SMYD3: variants seen among roughly 807,000 people sequenced by gnomAD.
SMYD3 encodes SET and MYND domain containing 3.
A neutral mutation model predicts 57.7 loss-of-function variants in SMYD3; 36 were observed. That is an observed-to-expected ratio of 0.62 (90% CI 0.48 to 0.82). The LOEUF (loss-of-function observed/expected upper bound fraction) is 0.82. SMYD3 is among the 40% of genes least tolerant of loss of function. The probability of loss-of-function intolerance (pLI) is 0.00; values close to 1 mark genes in which losing one functional copy is unlikely to be tolerated. For missense variants in SMYD3, 515 were observed against 538.8 expected (o/e 0.96, Z 0.44); for synonymous variants, 211 against 195.0 (o/e 1.08, Z -0.68).
At chr1:246,493,818 ACCC>A (rs1386438035) in intron 1 of SMYD3, among the ~76,000 whole-genome samples, 1 of 123,548 alleles carries the variant, frequency 8.1e-6, no homozygotes, top group African/African-American at 2.6e-5. Context: ...CCCAGCACTC[ACCC>A]TTCACCACAG....
intron 10 of SMYD3, among the ~76,000 whole-genome samples, chr1:245,824,631 G>A (rs1051372892): frequency 4.6e-5 from 7 of 152,114 alleles, no homozygotes; most frequent in African/African-American, 1.2e-4. Flanking sequence ...CAAGGCAGGC[G>A]GATCACCTGA....
At chr1:245,775,191 C>A (rs560844419) in intron 10 of SMYD3, among the ~76,000 whole-genome samples, 1 of 152,286 alleles carries the variant, frequency 6.6e-6, no homozygotes, top group African/African-American at 2.4e-5. Context: ...CACCCCCACC[C>A]GGCCAGCCGC....
intron 10 of SMYD3, among the ~76,000 whole-genome samples, chr1:245,806,989 T>C (rs1315106568): frequency 1.3e-4 from 16 of 122,682 alleles, no homozygotes; most frequent in Middle Eastern, 6.7e-3. Flanking sequence ...CAGTTAGAAA[T>C]GAACAGAGAA....
intron 5 of SMYD3, among the ~76,000 whole-genome samples, chr1:246,017,456 T>C (rs984941107): frequency 2.0e-5 from 3 of 152,074 alleles, no homozygotes; most frequent in African/African-American, 7.2e-5. Context: ...TTGACTTTCA[T>C]GAGCTTGACA....
chr1:246,198,629 T>C (rs2062862044), intron 5 of SMYD3, among the ~76,000 whole-genome samples: 1 of 152,204 alleles, frequency 6.6e-6, no homozygotes. Context: ...AAGAGAGTCA[T>C]TAAAGGCTTG....
chr1:246,266,750 T>C (rs1033628912), intron 5 of SMYD3, among the ~76,000 whole-genome samples: 4 of 151,340 alleles, frequency 2.6e-5, no homozygotes, highest in East Asian at 1.9e-4. Context: ...TGAGCCGAGA[T>C]TGCACCAGTG....
intron 5 of SMYD3, among the ~76,000 whole-genome samples, chr1:245,997,482 A>G (rs1245619099): frequency 6.6e-6 from 1 of 152,222 alleles, no homozygotes; most frequent in African/African-American, 2.4e-5. Context: ...TTTTTTGGCT[A>G]GCAATGCAGT....
At chr1:245,953,835 T>A (rs907081589) in intron 5 of SMYD3, among the ~76,000 whole-genome samples, 5 of 152,220 alleles carry the variant, frequency 3.3e-5, no homozygotes, top group Non-Finnish European at 7.3e-5. Context: ...ACACAGGACT[T>A]TTCACAAATG....
At chr1:246,447,313 G>A (rs1000962920) in intron 1 of SMYD3, among the ~76,000 whole-genome samples, 1 of 152,150 alleles carries the variant, frequency 6.6e-6, no homozygotes, top group East Asian at 1.9e-4. Context: ...TCGGAACACT[G>A]TGTAACAAAA....
At chr1:246,061,850 T>C (rs2060258606) in intron 5 of SMYD3, among the ~76,000 whole-genome samples, 1 of 152,220 alleles carries the variant, frequency 6.6e-6, no homozygotes, top group South Asian at 2.1e-4. Flanking sequence ...ACCGGCACTA[T>C]TACAAAGACG....
chr1:246,178,678 C>T (rs1202726457), intron 5 of SMYD3: 1 of 152,094 alleles, frequency 6.6e-6, no homozygotes, highest in Non-Finnish European at 1.5e-5. Context: ...TTTGAAGGTC[C>T]CCAAAGTGAG....
chr1:246,060,582 A>ATTTTTTTTTTTTTTTTTTTTTTTTTTT (rs1558191811), intron 5 of SMYD3, among the ~76,000 whole-genome samples: 4 of 152,176 alleles, frequency 2.6e-5, no homozygotes, highest in African/African-American at 7.2e-5. Flanking sequence ...CATTTTAATA[A>ATTTTTTTTTTTTTTTTTTTTTTTTTTT]ATTTTTATGA....
At chr1:246,198,116 G>A (rs1022137300) in intron 5 of SMYD3, among the ~76,000 whole-genome samples, 1 of 152,160 alleles carries the variant, frequency 6.6e-6, no homozygotes, top group Non-Finnish European at 1.5e-5. Flanking sequence ...AGCAGTCTTT[G>A]CTTTCCCAGT....
chr1:246,288,924 G>A (rs1020848737), intron 5 of SMYD3, among the ~76,000 whole-genome samples: 3 of 152,058 alleles, frequency 2.0e-5, no homozygotes, highest in African/African-American at 7.2e-5. Context: ...GACCAGCTTG[G>A]CCAACATGGT....
At chr1:246,415,220 A>G (rs1473764438) in intron 1 of SMYD3, among the ~76,000 whole-genome samples, 1 of 152,178 alleles carries the variant, frequency 6.6e-6, no homozygotes, top group African/African-American at 2.4e-5. Flanking sequence ...TTTTCTACAA[A>G]AACTGCCATG....
intron 10 of SMYD3, among the ~76,000 whole-genome samples, chr1:245,813,860 C>CTATATATATATATA (rs6143718): frequency 1.2e-4 from 17 of 147,022 alleles, no homozygotes; most frequent in African/African-American, 3.9e-4. Flanking sequence ...TCATGGAGCC[C>CTATATATATATATA]TATATATATA....
At chr1:246,384,088 T>C (rs150273872) in intron 1 of SMYD3, among the ~76,000 whole-genome samples, 2 of 152,318 alleles carry the variant, frequency 1.3e-5, no homozygotes, top group South Asian at 4.1e-4. Flanking sequence ...ACTTTTACTA[T>C]ATATGTATCT....
intron 10 of SMYD3, among the ~76,000 whole-genome samples, chr1:245,775,938 A>G (rs1158995370): frequency 2.6e-5 from 4 of 152,202 alleles, no homozygotes; most frequent in African/African-American, 9.6e-5. Flanking sequence ...AAATGGACAA[A>G]GAGAATGCTT....
chr1:246,419,706 C>T (rs115179462), intron 1 of SMYD3, among the ~76,000 whole-genome samples: 4,194 of 152,310 alleles, frequency 0.028, 135 homozygotes, highest in African/African-American at 0.079. Flanking sequence ...CATAGGACCA[C>T]TAACCCTATT....
Sources: gnomAD v4.1 joint callset for allele counts (sites outside exome capture counted in the v4.1 genomes callset) on GRCh38, gnomAD v4.1.1 for gene constraint, MANE v1.5 for transcripts, NCBI Gene and HGNC (gene_info 2026-07-23, HGNC 2026-07-21) for gene names.